Variants in FMN2 observed in about 807,000 individuals in gnomAD.
FMN2 encodes the protein formin-2.
A neutral mutation model predicts 142.3 loss-of-function variants in FMN2; 51 were observed. The observed-to-expected ratio is 0.36, with a 90% CI of 0.29 to 0.45. The LOEUF (loss-of-function observed/expected upper bound fraction) is 0.45, where lower values mean the gene tolerates loss of function less well. Ranked by LOEUF, FMN2 falls within the 20% of genes least tolerant of loss-of-function variation. FMN2 has a pLI of 1.00. For synonymous variants in FMN2, 882 were observed against 869.8 expected, an observed-to-expected ratio of 1.01 and a Z score of -0.25; for missense variants, 1,936 against 2,122.8, an observed-to-expected ratio of 0.91 and a Z score of 1.73.
intron 8 of FMN2, among the ~76,000 whole-genome samples, chr1:240,317,098 C>T (rs925361580): frequency 1.1e-4 from 17 of 152,110 alleles, no homozygotes; most frequent in Non-Finnish European, 2.4e-4. Context: ...CGAGGTCTAT[C>T]ACAAGGTCAA....
rs146456727 is a variant in FMN2 at position 240,152,075 on chromosome 1, A to G, written c.1783-25846A>G. ...CGTGAACCACCATGCCCGGCCTCCA[A>G]TGGACTTTTTAATGCATGTCACTGT... On this transcript the variant is annotated intron_variant, in intron 2 of 17. Transcript: ENST00000319653. Among the ~76,000 whole-genome samples, 1,125 of 152,184 alleles carry G rather than the reference A, an allele frequency of 7.4e-3. 3 individuals carry two copies. The highest frequency in any genetic ancestry group is 0.017 in the Middle Eastern group (5 of 294).
chr1:240,452,014 AC>A (rs1326284538), intron 16 of FMN2, among the ~76,000 whole-genome samples: 1 of 151,840 alleles, frequency 6.6e-6, no homozygotes, highest in Admixed American at 6.6e-5. Context: ...ACACAGTGAA[AC>A]CCCGTCTCTA....
chr1:240,185,061 T>G (rs71646823), intron 3 of FMN2, among the ~76,000 whole-genome samples: 701 of 84,192 alleles, frequency 8.3e-3, no homozygotes, highest in East Asian at 0.016. Context: ...TCCTATACCT[T>G]CCCCTTCTCT....
At chr1:240,287,545 C>A (rs184757740) in intron 7 of FMN2, among the ~76,000 whole-genome samples, 32 of 152,236 alleles carry the variant, frequency 2.1e-4, no homozygotes, top group African/African-American at 6.7e-4. Context: ...AATGGCTTCC[C>A]TCTGGTTACT....
intron 2 of FMN2, among the ~76,000 whole-genome samples, chr1:240,153,416 A>G (rs1240005892): frequency 7.7e-6 from 1 of 130,028 alleles, no homozygotes; most frequent in Admixed American, 9.2e-5. Context: ...ACAGGCTTGC[A>G]GTTGTACGAT....
chr1:240,384,536 T>G (rs189936041), intron 14 of FMN2, among the ~76,000 whole-genome samples: 1 of 152,226 alleles, frequency 6.6e-6, no homozygotes, highest in Non-Finnish European at 1.5e-5. Flanking sequence ...CCACTGTTCA[T>G]TGTTTACCCT....
At chr1:240,260,387 C>T (rs1668585826) in intron 7 of FMN2, among the ~76,000 whole-genome samples, 2 of 151,938 alleles carry the variant, frequency 1.3e-5, no homozygotes, top group South Asian at 2.1e-4. Context: ...GAAATGTTCC[C>T]GTTTCACTGC....
chr1:240,262,796 C>G (rs1257789763), intron 7 of FMN2, among the ~76,000 whole-genome samples: 1 of 137,036 alleles, frequency 7.3e-6, no homozygotes, highest in Non-Finnish European at 1.5e-5. Context: ...GAGTCTCACT[C>G]TGTCATCCAG....
At chr1:240,217,621 T>A (rs1311234994) in intron 6 of FMN2, among the ~76,000 whole-genome samples, 1 of 152,020 alleles carries the variant, frequency 6.6e-6, no homozygotes, top group Non-Finnish European at 1.5e-5. Context: ...CAAGCATAGG[T>A]TTTGTGGAAT....
chr1:240,200,614 C>T (rs144681651), intron 4 of FMN2, among the ~76,000 whole-genome samples: 95 of 152,060 alleles, frequency 6.2e-4, no homozygotes, highest in Non-Finnish European at 1.1e-3. Flanking sequence ...GTTTGAGATG[C>T]GCTTAGTTGC....
chr1:240,437,049 C>G (rs983958345), intron 15 of FMN2, among the ~76,000 whole-genome samples: 4 of 152,188 alleles, frequency 2.6e-5, no homozygotes, highest in African/African-American at 9.7e-5. Context: ...GGGCATCACT[C>G]ATGGGACTGG....
chr1:240,163,445 A>G (rs1348519945), intron 2 of FMN2, among the ~76,000 whole-genome samples: 1 of 152,212 alleles, frequency 6.6e-6, no homozygotes, highest in African/African-American at 2.4e-5. Flanking sequence ...TTTTATCAAT[A>G]GAAGACTCTC....
At chr1:240,361,466 T>C (rs910034116) in intron 14 of FMN2, among the ~76,000 whole-genome samples, 11 of 151,946 alleles carry the variant, frequency 7.2e-5, no homozygotes, top group African/African-American at 2.7e-4. Context: ...AGCCTTGGAC[T>C]AAGGAAGTGG....
intron 2 of FMN2, among the ~76,000 whole-genome samples, chr1:240,137,156 T>G (rs749843778): frequency 6.6e-6 from 1 of 151,844 alleles, no homozygotes; most frequent in Admixed American, 6.6e-5. Flanking sequence ...ATTCAGGAGC[T>G]TAAAGGGTTT....
intron 2 of FMN2, among the ~76,000 whole-genome samples, chr1:240,169,040 G>A (rs139165147): frequency 2.3e-4 from 35 of 152,186 alleles, no homozygotes; most frequent in African/African-American, 6.3e-4. Context: ...GTGAAACCCC[G>A]TCTTTACTAA....
intron 13 of FMN2, among the ~76,000 whole-genome samples, chr1:240,336,553 CA>C (rs552135436): frequency 0.058 from 2,913 of 50,058 alleles, 187 homozygotes; most frequent in African/African-American, 0.074. Context: ...TGGTATTCTC[CA>C]AAAAAAAAAA....
chr1:240,436,278 C>T (rs74151685), intron 15 of FMN2, among the ~76,000 whole-genome samples: 16,021 of 143,042 alleles, frequency 0.11, 1,969 homozygotes, highest in African/African-American at 0.32. Context: ...AGGAGAAAAA[C>T]ATAATACCTG....
At chr1:240,121,613 T>C in intron 1 of FMN2, among the ~76,000 whole-genome samples, 1 of 150,954 alleles carries the variant, frequency 6.6e-6, no homozygotes, top group Non-Finnish European at 1.5e-5. Flanking sequence ...ATGGTCTTGA[T>C]CTCCTGACCT....
chr1:240,157,974 T>TAAAA (rs369527022), intron 2 of FMN2, among the ~76,000 whole-genome samples: 3,640 of 73,472 alleles, frequency 0.05, 191 homozygotes, highest in African/African-American at 0.16. Context: ...CTGTCTCTAC[T>TAAAA]AAAAAAAAAA....
Sources: allele counts gnomAD v4.1 joint callset (sites outside exome capture counted in the v4.1 genomes callset), GRCh38; gene constraint gnomAD v4.1.1; transcripts MANE v1.5; gene names NCBI Gene and HGNC (gene_info 2026-07-23, HGNC 2026-07-21).